TAFA5: variants seen among roughly 807,000 people sequenced by gnomAD.
The protein encoded by TAFA5 is chemokine-like protein TAFA-5.
Under a neutral mutation model 15.3 loss-of-function variants are expected in TAFA5, and 6 were observed. The ratio of observed to expected loss-of-function variants is 0.39; its 90% CI spans 0.21 to 0.77. The LOEUF (loss-of-function observed/expected upper bound fraction) is 0.77. Among genes scored for constraint, TAFA5 ranks in the 30% least tolerant of loss-of-function variants. TAFA5 has a pLI of 0.41. For synonymous variants in TAFA5, 103 were observed against 80.7 expected (o/e 1.28, Z -1.48); for missense variants, 161 against 193.1 (o/e 0.83, Z 0.98).
intron 1 of TAFA5, among the ~76,000 whole-genome samples, chr22:48,639,228 C>G (rs1243507769): frequency 6.6e-6 from 1 of 152,152 alleles, no homozygotes; most frequent in South Asian, 2.1e-4. Context: ...GACCTGCCCC[C>G]GGGCCCCACC....
At chr22:48,723,135 G>A (rs376382922) in intron 3 of TAFA5, among the ~76,000 whole-genome samples, 3 of 152,136 alleles carry the variant, frequency 2.0e-5, no homozygotes, top group East Asian at 3.9e-4. Flanking sequence ...CTTGGCTGGT[G>A]TGTCCAGATG....
intron 3 of TAFA5, among the ~76,000 whole-genome samples, chr22:48,716,797 G>C (rs1189149349): frequency 1.3e-5 from 2 of 151,986 alleles, no homozygotes; most frequent in Non-Finnish European, 2.9e-5. Flanking sequence ...TATAGGTACT[G>C]TATGCCTGTG....
intron 1 of TAFA5, chr22:48,544,633 A>AC (rs1205516395): frequency 4.3e-6 from 2 of 460,700 alleles, no homozygotes; most frequent in East Asian, 7.0e-5. Context: ...TTGCATTTCC[A>AC]CCCCCCTTCT....
chr22:48,553,986 A>G (rs1006450520), intron 1 of TAFA5, among the ~76,000 whole-genome samples: 2 of 152,214 alleles, frequency 1.3e-5, no homozygotes, highest in South Asian at 2.1e-4. Flanking sequence ...AGATACGGAA[A>G]TTCCCCCAAA....
chr22:48,585,741 C>T (rs1361560532), intron 1 of TAFA5, among the ~76,000 whole-genome samples: 2 of 151,756 alleles, frequency 1.3e-5, no homozygotes, highest in Non-Finnish European at 2.9e-5. Flanking sequence ...ACATAACATA[C>T]ACCACATACG....
At chr22:48,719,582 C>A (rs543228309) in intron 3 of TAFA5, among the ~76,000 whole-genome samples, 1 of 152,336 alleles carries the variant, frequency 6.6e-6, no homozygotes, top group South Asian at 2.1e-4. Context: ...GACTGCCCCC[C>A]CTGCATTCTC....
intron 2 of TAFA5, among the ~76,000 whole-genome samples, chr22:48,661,479 G>C (rs1927438781): frequency 1.3e-5 from 2 of 152,220 alleles, no homozygotes; most frequent in Non-Finnish European, 2.9e-5. Context: ...GGGTTTGTCT[G>C]CGTCTTTCCA....
intron 1 of TAFA5, among the ~76,000 whole-genome samples, chr22:48,621,080 C>T (rs1339966178): frequency 2.2e-5 from 2 of 92,752 alleles, no homozygotes; most frequent in African/African-American, 4.6e-5. Context: ...CATCCATCCA[C>T]CCACCCACCC....
chr22:48,649,233 C>A (rs1238535917), intron 2 of TAFA5, among the ~76,000 whole-genome samples: 1 of 152,216 alleles, frequency 6.6e-6, no homozygotes, highest in Non-Finnish European at 1.5e-5. Context: ...AGGTGGGATA[C>A]CCAGGAAGAA....
Position 48,490,414 on chromosome 22 carries a change from G to A in TAFA5, c.112+710G>A, listed in dbSNP as rs2147089659. On this transcript the variant is annotated intron_variant, in intron 1 of 3. Coordinates refer to ENST00000402357, the MANE Select transcript of TAFA5 (RefSeq NM_001082967.3). The surrounding 1 kb of genome is among the most constrained non-coding windows in gnomAD (Gnocchi z 5.8). ...GCCCGGGCGTGAGCTGAGGGCTGGG[G>A]TAGGGGGTGACCGCCGCGGGCTCCC... Among the ~76,000 whole-genome samples, 1 of 152,034 alleles carries A rather than the reference G, an allele frequency of 6.6e-6. No individual in the cohort carries two copies. Among genetic ancestry groups the A allele is most frequent in the Middle Eastern group, 3.4e-3 (1 of 294 alleles).
At chr22:48,720,107 G>A (rs961817529) in intron 3 of TAFA5, among the ~76,000 whole-genome samples, 2 of 152,144 alleles carry the variant, frequency 1.3e-5, no homozygotes, top group African/African-American at 4.8e-5. Context: ...GAGGACGCTC[G>A]CCCGGTGCAG....
At chr22:48,603,983 T>A (rs996108279) in intron 1 of TAFA5, among the ~76,000 whole-genome samples, 2 of 152,162 alleles carry the variant, frequency 1.3e-5, no homozygotes, top group African/African-American at 4.8e-5. Context: ...GGGGACCTTG[T>A]GGGCCCCGAT....
chr22:48,535,094 G>A (rs1264146024), intron 1 of TAFA5, among the ~76,000 whole-genome samples: 1 of 152,152 alleles, frequency 6.6e-6, no homozygotes, highest in African/African-American at 2.4e-5. Context: ...GGGCCCTGGG[G>A]CCTCTCACCC....
intron 1 of TAFA5, among the ~76,000 whole-genome samples, chr22:48,542,673 A>G (rs796512031): frequency 0.14 from 3,297 of 23,452 alleles, 106 homozygotes; most frequent in East Asian, 0.17. Flanking sequence ...TGTGTGTGTG[A>G]TGTTTGTGTG....
intron 1 of TAFA5, chr22:48,546,643 G>C: frequency 2.1e-6 from 1 of 469,112 alleles, no homozygotes; most frequent in East Asian, 7.0e-5. Flanking sequence ...GGCCTGGCGA[G>C]TCCTCCTCCT....
intron 2 of TAFA5, among the ~76,000 whole-genome samples, chr22:48,690,737 C>G (rs913011159): frequency 1.3e-5 from 2 of 152,202 alleles, no homozygotes; most frequent in African/African-American, 4.8e-5. Flanking sequence ...GTCCCTCAAG[C>G]TGGACGTGAC....
At chr22:48,556,884 C>T (rs912554746) in intron 1 of TAFA5, among the ~76,000 whole-genome samples, 16 of 152,220 alleles carry the variant, frequency 1.1e-4, no homozygotes, top group Non-Finnish European at 1.6e-4. Flanking sequence ...CAGACCCAGG[C>T]ACCCTGCCGT....
At chr22:48,669,907 C>T (rs921785289) in intron 2 of TAFA5, among the ~76,000 whole-genome samples, 2 of 152,262 alleles carry the variant, frequency 1.3e-5, no homozygotes, top group Non-Finnish European at 2.9e-5. Context: ...TGTGCTGCCT[C>T]CCGCCTGAGC....
intron 1 of TAFA5, among the ~76,000 whole-genome samples, chr22:48,641,976 C>G (rs1412559456): frequency 6.6e-6 from 1 of 152,200 alleles, no homozygotes; most frequent in Non-Finnish European, 1.5e-5. Context: ...AAAAGGCCGG[C>G]GCCGTGGGTA....
Sources: gnomAD v4.1 joint callset for allele counts (sites outside exome capture counted in the v4.1 genomes callset) on GRCh38, gnomAD v4.1.1 for gene constraint, Gnocchi (gnomAD v3.1) non-coding constraint, MANE v1.5 for transcripts, NCBI Gene and HGNC (gene_info 2026-07-23, HGNC 2026-07-21) for gene names.